CLASP1: variants seen among roughly 807,000 people sequenced by gnomAD.
The protein encoded by CLASP1 is CLIP-associating protein 1.
CLASP1 carries 38 observed loss-of-function variants against 192.3 expected under a neutral mutation model. That is an observed-to-expected ratio of 0.20 (90% confidence interval 0.15 to 0.26). The LOEUF (loss-of-function observed/expected upper bound fraction) is 0.26. Among genes scored for constraint, CLASP1 ranks in the 10% least tolerant of loss-of-function variants. CLASP1 has a pLI of 1.00. For missense variants in CLASP1, 1,433 were observed against 1,932.5 expected (o/e 0.74, Z 4.85); for synonymous variants, 691 against 712.8 (o/e 0.97, Z 0.49).
At chr2:121,407,397 G>T in intron 25 of CLASP1, 74 bp downstream of exon 26, 1 of 1,532,310 alleles carries the variant, frequency 6.5e-7, no homozygotes, top group Admixed American at 1.8e-5. Context: ...ATTAATTATA[G>T]GAAATCCCTT....
In CLASP1 at chr2:121,597,284, A is replaced by C. The variant is rs2063251069; in HGVS notation, c.195+8417T>G. ...TAATTACAATTTAAAAAATGAACAC[A>C]TATTTAGCACAATTTCTGGCTCACA... On this transcript the variant is annotated intron_variant, in intron 2 of 39. Transcript: ENST00000263710. Among the ~76,000 whole-genome samples, 4 of 152,212 alleles carry C rather than the reference A, an allele frequency of 2.6e-5. No homozygotes were observed. In the South Asian group the frequency reaches 8.3e-4, roughly 31 times the overall value.
intron 6 of CLASP1, among the ~76,000 whole-genome samples, chr2:121,520,330 C>T (rs2094429834): frequency 6.6e-6 from 1 of 152,202 alleles, no homozygotes; most frequent in Non-Finnish European, 1.5e-5. Flanking sequence ...AGTCTATAAA[C>T]TGATGAGACC....
chr2:121,425,389 C>T (rs2080217900), intron 21 of CLASP1, 83 bp from the exon 22 acceptor site: 14 of 1,219,742 alleles, frequency 1.1e-5, no homozygotes, highest in Non-Finnish European at 1.6e-5. Flanking sequence ...AGATTTTACA[C>T]ATTAATTTGG....
At chr2:121,595,085 G>A (rs75909038) in intron 2 of CLASP1, among the ~76,000 whole-genome samples, 1 of 152,096 alleles carries the variant, frequency 6.6e-6, no homozygotes, top group Non-Finnish European at 1.5e-5. Flanking sequence ...CAACTGTGGG[G>A]TACGTCCTTA....
intron 37 of CLASP1, among the ~76,000 whole-genome samples, chr2:121,350,775 GCACTTAC>G (rs2064218372): frequency 6.6e-6 from 1 of 152,180 alleles, no homozygotes; most frequent in East Asian, 1.9e-4. Flanking sequence ...CCACTACCTG[GCACTTAC>G]CACTACAAAA....
chr2:121,532,083 C>T (rs916555700), intron 2 of CLASP1, among the ~76,000 whole-genome samples: 4 of 152,180 alleles, frequency 2.6e-5, no homozygotes, highest in African/African-American at 9.7e-5. Context: ...TGCCTGCCTG[C>T]CTCTGGCGGC....
At chr2:121,355,966 A>C (rs541242038) in intron 37 of CLASP1, among the ~76,000 whole-genome samples, 1 of 152,392 alleles carries the variant, frequency 6.6e-6, no homozygotes, top group South Asian at 2.1e-4. Context: ...CTAGCTAAGA[A>C]AAGCGTAATT....
At chr2:121,436,680 G>GGATT (rs1472768352) in intron 19 of CLASP1, among the ~76,000 whole-genome samples, 8 of 152,022 alleles carry the variant, frequency 5.3e-5, no homozygotes, top group Non-Finnish European at 1.0e-4. Flanking sequence ...CAAAGTGCTG[G>GGATT]GATTATAGGC....
chr2:121,416,839 C>A (rs574301836), intron 23 of CLASP1, among the ~76,000 whole-genome samples: 2 of 152,288 alleles, frequency 1.3e-5, no homozygotes, highest in East Asian at 3.9e-4. Flanking sequence ...AAGACTCTGA[C>A]GATGATAATA....
intron 1 of CLASP1, among the ~76,000 whole-genome samples, chr2:121,634,327 T>C (rs1427223291): frequency 1.3e-5 from 2 of 152,188 alleles, no homozygotes; most frequent in Non-Finnish European, 2.9e-5. Flanking sequence ...AGTAATTACC[T>C]AGGATATACC....
At chr2:121,377,207 AAG>A (rs2070460424) in intron 34 of CLASP1, among the ~76,000 whole-genome samples, 2 of 152,318 alleles carry the variant, frequency 1.3e-5, no homozygotes, top group South Asian at 4.1e-4. Context: ...AAAACACTAG[AAG>A]AGAGAATTTT....
chr2:121,578,463 C>T (rs1312002230), intron 2 of CLASP1, among the ~76,000 whole-genome samples: 1 of 146,354 alleles, frequency 6.8e-6, no homozygotes, highest in Non-Finnish European at 1.5e-5. Context: ...GGTGCAGTGG[C>T]TCATGCCTGT....
intron 8 of CLASP1, among the ~76,000 whole-genome samples, chr2:121,479,506 G>T (rs961012237): frequency 6.6e-6 from 1 of 152,206 alleles, no homozygotes; most frequent in African/African-American, 2.4e-5. Context: ...GATATTCCAT[G>T]TTCATATATC....
chr2:121,626,104 A>C (rs1271637768), intron 1 of CLASP1, among the ~76,000 whole-genome samples: 4 of 152,008 alleles, frequency 2.6e-5, no homozygotes, highest in African/African-American at 9.7e-5. Context: ...ATCTCAAAAA[A>C]AAAAAAAAGA....
chr2:121,373,403 G>A (rs535295999), intron 34 of CLASP1, among the ~76,000 whole-genome samples: 12 of 152,288 alleles, frequency 7.9e-5, no homozygotes, highest in African/African-American at 2.6e-4. Context: ...CTTTATAGCA[G>A]TGTGAGAACT....
chr2:121,507,432 C>G (rs1449471095), intron 7 of CLASP1, among the ~76,000 whole-genome samples: 1 of 152,090 alleles, frequency 6.6e-6, no homozygotes, highest in Non-Finnish European at 1.5e-5. Flanking sequence ...TGAACAGAGT[C>G]TAAGAGATCA....
intron 2 of CLASP1, chr2:121,532,444 T>C (rs12614155): frequency 0.25 from 37,754 of 152,056 alleles, 7,415 homozygotes; most frequent in African/African-American, 0.54. Context: ...CTCAGCCAGA[T>C]GGTGGAGGTC....
chr2:121,409,685 T>C (rs1352336399), intron 24 of CLASP1, among the ~76,000 whole-genome samples: 1 of 152,144 alleles, frequency 6.6e-6, no homozygotes, highest in Non-Finnish European at 1.5e-5. Context: ...CCCTTTGACC[T>C]CCACTTCCCA....
At chr2:121,629,318 A>G (rs1462101558) in intron 1 of CLASP1, among the ~76,000 whole-genome samples, 1 of 151,810 alleles carries the variant, frequency 6.6e-6, no homozygotes, top group Non-Finnish European at 1.5e-5. Flanking sequence ...TGAATCCGGG[A>G]GGCGGAGCTT....
Sources: allele counts gnomAD v4.1 joint callset (sites outside exome capture counted in the v4.1 genomes callset), GRCh38; gene constraint gnomAD v4.1.1; transcripts MANE v1.5; gene names NCBI Gene and HGNC (gene_info 2026-07-23, HGNC 2026-07-21).